ZNF704: variants seen among roughly 807,000 people sequenced by gnomAD.
The protein encoded by ZNF704 is zinc finger protein 704.
In ZNF704, 10 loss-of-function variants were observed where a neutral mutation model predicts 44.7. The ratio of observed to expected loss-of-function variants is 0.22; its 90% CI spans 0.14 to 0.38. ZNF704 has a LOEUF of 0.38. Among genes scored for constraint, ZNF704 ranks in the 10% least tolerant of loss-of-function variants. The pLI is 1.00. For synonymous variants in ZNF704, 211 were observed against 207.6 expected (o/e 1.02, Z -0.14); for missense variants, 390 against 545.5 (o/e 0.71, Z 2.84).
chr8:80,765,054 G>T (rs1807205419), intron 2 of ZNF704, among the ~76,000 whole-genome samples: 1 of 152,168 alleles, frequency 6.6e-6, no homozygotes, highest in African/African-American at 2.4e-5. Flanking sequence ...TGATAGCCTG[G>T]TTCAGTCCCA....
intron 2 of ZNF704, among the ~76,000 whole-genome samples, chr8:80,781,300 C>T (rs902182354): frequency 2.0e-5 from 3 of 152,164 alleles, no homozygotes; most frequent in Non-Finnish European, 2.9e-5. Context: ...ATATTTTAGG[C>T]TTTGTGGGTC....
chr8:80,686,414 C>T (rs6473244), intron 4 of ZNF704, among the ~76,000 whole-genome samples: 15,691 of 152,188 alleles, frequency 0.1, 2,729 homozygotes, highest in African/African-American at 0.36. Flanking sequence ...CAGGGTCTCA[C>T]TCTGTTGCCC....
chr8:80,878,246 GAGAA>G (rs1315722234), upstream of ZNF704, among the ~76,000 whole-genome samples: 54 of 134,318 alleles, frequency 4.0e-4, no homozygotes, highest in East Asian at 6.6e-4. Flanking sequence ...CAGAAAGAAA[GAGAA>G]AGAAAGGAAG....
chr8:80,788,650 T>A (rs1385732060), intron 2 of ZNF704, among the ~76,000 whole-genome samples: 1 of 152,206 alleles, frequency 6.6e-6, no homozygotes, highest in Non-Finnish European at 1.5e-5. Context: ...TCTATGAGGA[T>A]GACAGCCACC....
chr8:80,853,256 C>T (rs1340506227), intron 1 of ZNF704, among the ~76,000 whole-genome samples: 1 of 152,108 alleles, frequency 6.6e-6, no homozygotes, highest in African/African-American at 2.4e-5. Flanking sequence ...ATCCCACTAC[C>T]TGGGAGGTTG....
intron 2 of ZNF704, among the ~76,000 whole-genome samples, chr8:80,709,368 T>C (rs13249255): frequency 7.6e-6 from 1 of 130,794 alleles, no homozygotes; most frequent in Non-Finnish European, 1.5e-5. Flanking sequence ...GGCGTGAACC[T>C]GGGAGGCGGA....
intron 2 of ZNF704, among the ~76,000 whole-genome samples, chr8:80,814,930 A>G (rs1808151603): frequency 1.3e-5 from 2 of 152,182 alleles, no homozygotes; most frequent in East Asian, 1.9e-4. Flanking sequence ...ACTTTCCGAT[A>G]AACTGTCTAA....
intron 1 of ZNF704, among the ~76,000 whole-genome samples, chr8:80,832,581 G>C (rs1199515613): frequency 6.6e-6 from 1 of 152,118 alleles, no homozygotes; most frequent in African/African-American, 2.4e-5. Context: ...GATTTGAGGA[G>C]TTGGCTCCGG....
rs1817618937 is a variant in ZNF704, at chr8:80,633,490, G to A, written c.*7876C>T. The A allele has an allele frequency of 6.6e-6, 1 of 152,154 alleles. No homozygotes were observed. The highest frequency in any genetic ancestry group is 2.1e-4 in the South Asian group (1 of 4,822). The allele number at this position is 152,154 out of a possible 1,614,324, so 9.4% of individuals were successfully genotyped here. On this transcript the variant is annotated 3_prime_UTR_variant, in exon 9 of 9. Transcript: ENST00000327835. ...GGGCTCTTTATGTCTATGCTGAAAGGCCTGGACTGAATAGATGGTTTGAGA... is the reference window on the plus strand; with the variant it reads ...GGGCTCTTTATGTCTATGCTGAAAGACCTGGACTGAATAGATGGTTTGAGA...
intron 5 of ZNF704, among the ~76,000 whole-genome samples, chr8:80,666,664 G>A (rs1278493846): frequency 6.6e-6 from 1 of 152,072 alleles, no homozygotes; most frequent in Non-Finnish European, 1.5e-5. Context: ...ATTCTAACTG[G>A]TGTGAGATGG....
chr8:80,642,209 A>G (rs1355780170), intron 8 of ZNF704, among the ~76,000 whole-genome samples: 1 of 152,148 alleles, frequency 6.6e-6, no homozygotes, highest in African/African-American at 2.4e-5. Context: ...TTACAGTTTC[A>G]TGGATTGAAG....
intron 4 of ZNF704, among the ~76,000 whole-genome samples, chr8:80,676,160 A>G (rs1051883634): frequency 6.6e-6 from 1 of 152,146 alleles, no homozygotes; most frequent in Non-Finnish European, 1.5e-5. Context: ...AGTGTTGTGG[A>G]TGGAAATCAG....
intron 2 of ZNF704, among the ~76,000 whole-genome samples, chr8:80,766,824 T>C (rs773227984): frequency 3.8e-4 from 58 of 152,138 alleles, no homozygotes; most frequent in Non-Finnish European, 7.9e-4. Flanking sequence ...GCAATTCTCC[T>C]GCCTCAGCCT....
At chr8:80,882,052 C>A in the ZNF704 span, among the ~76,000 whole-genome samples, 50 of 152,324 alleles carry the variant, frequency 3.3e-4, no homozygotes, top group South Asian at 9.5e-3. Context: ...AATGATTTCA[C>A]CACATCTTGC....
intron 2 of ZNF704, among the ~76,000 whole-genome samples, chr8:80,708,099 T>A (rs997783468): frequency 6.6e-6 from 1 of 152,210 alleles, no homozygotes; most frequent in Admixed American, 6.5e-5. Context: ...TGATGACTGA[T>A]CAATTTGAAC....
rs536455593 is a variant in ZNF704 at position 80,821,859 on chromosome 8, T to C, written c.-21-244A>G. Among the ~76,000 whole-genome samples the C allele has an allele frequency of 2.0e-4, 30 of 152,316 alleles. No individual in the cohort carries two copies. In the South Asian group the frequency reaches 6.0e-3, roughly 30 times the overall value. ...CACACAAAAAAATGCCTCCCAGGTA[T>C]ACAAAAACAAAGATTTGAAAAGTGT... On this transcript the variant is annotated intron_variant, in intron 1 of 8. Coordinates refer to ENST00000327835, the MANE Select transcript of ZNF704 (RefSeq NM_001033723.3).
intron 7 of ZNF704, among the ~76,000 whole-genome samples, chr8:80,654,700 G>A (rs1243382260): frequency 1.3e-5 from 2 of 152,152 alleles, no homozygotes; most frequent in African/African-American, 2.4e-5. Context: ...AACAGGTGCT[G>A]GAGAGGATGT....
intron 4 of ZNF704, among the ~76,000 whole-genome samples, chr8:80,680,533 C>T (rs1175628784): frequency 1.3e-5 from 2 of 152,058 alleles, no homozygotes; most frequent in African/African-American, 2.4e-5. Flanking sequence ...ACTTCCTCTG[C>T]CTGTCTCATG....
chr8:80,777,522 TTC>T (rs1807435413), intron 2 of ZNF704, among the ~76,000 whole-genome samples: 1 of 152,170 alleles, frequency 6.6e-6, no homozygotes, highest in African/African-American at 2.4e-5. Flanking sequence ...ACATTTTATT[TTC>T]TCTGTGTATC....
Sources: allele counts gnomAD v4.1 joint callset (sites outside exome capture counted in the v4.1 genomes callset), GRCh38; gene constraint gnomAD v4.1.1; transcripts MANE v1.5; gene names NCBI Gene and HGNC (gene_info 2026-07-23, HGNC 2026-07-21).